The following PCDHA10 variants were observed in gnomAD, a reference collection of about 807,000 sequenced individuals.
PCDHA10 encodes the protein protocadherin alpha 10.
In PCDHA10, 45 loss-of-function variants were observed where a neutral mutation model predicts 61.2. The ratio of observed to expected loss-of-function variants is 0.74; its 90% confidence interval spans 0.58 to 0.94. PCDHA10 has a LOEUF of 0.94. PCDHA10 is among the 40% of genes least tolerant of loss of function. The pLI is 0.00. For synonymous variants in PCDHA10, 602 were observed against 548.8 expected, an observed-to-expected ratio of 1.10 and a Z score of -1.35; for missense variants, 1,278 against 1,236.2, an observed-to-expected ratio of 1.03 and a Z score of -0.51.
At chr5:140,929,362 G>A (rs781830495) in intron 1 of PCDHA10, 13 of 1,520,234 alleles carry the variant, frequency 8.6e-6, no homozygotes, top group Middle Eastern at 1.8e-4. Flanking sequence ...CCTTTGGCCC[G>A]GAGATGGCTG....
intron 1 of PCDHA10, chr5:140,884,070 C>T: frequency 1.2e-6 from 2 of 1,613,516 alleles, no homozygotes; most frequent in Non-Finnish European, 1.7e-6. Context: ...GACGCCGATT[C>T]GGGCTACAAT....
chr5:140,956,904 G>A lies in PCDHA10; in HGVS notation c.2389-22045G>A, dbSNP rs182022057. ...TATCAATGAATGAATATTCTTAAAT[G>A]TATAAACTTTAATCTTGCTGGATAT... On this transcript the variant is annotated intron_variant, in intron 1 of 3. Transcript: ENST00000307360. Among the ~76,000 whole-genome samples, 178 of 152,232 alleles carry A rather than the reference G, an allele frequency of 1.2e-3. 1 individual carries two copies. Among genetic ancestry groups the A allele is most frequent in the African/African-American group, 3.9e-3 (163 of 41,538 alleles).
At chr5:140,967,792 A>G (rs371669028) in intron 1 of PCDHA10, 4 of 1,614,212 alleles carry the variant, frequency 2.5e-6, no homozygotes, top group Non-Finnish European at 3.4e-6. Context: ...ACCGGGGTCC[A>G]GTGCCCATGG....
intron 1 of PCDHA10, among the ~76,000 whole-genome samples, chr5:140,950,049 CTATT>C (rs2094445672): frequency 1.3e-5 from 2 of 151,756 alleles, no homozygotes; most frequent in Non-Finnish European, 3.0e-5. Flanking sequence ...CCATATAAGA[CTATT>C]TAGCTCTTCC....
chr5:140,971,843 G>T (rs1250084892), intron 1 of PCDHA10, among the ~76,000 whole-genome samples: 2 of 151,906 alleles, frequency 1.3e-5, no homozygotes, highest in Non-Finnish European at 2.9e-5. Flanking sequence ...TGCAAGTCAT[G>T]CGTTAAATAT....
At chr5:140,989,839 AGT>A (rs1161936815) in intron 3 of PCDHA10, among the ~76,000 whole-genome samples, 2 of 152,166 alleles carry the variant, frequency 1.3e-5, no homozygotes, top group Non-Finnish European at 2.9e-5. Context: ...CCTGTCAATG[AGT>A]GTGTGGACTG....
chr5:140,907,114 G>A (rs1422379312), intron 1 of PCDHA10, among the ~76,000 whole-genome samples: 1 of 152,164 alleles, frequency 6.6e-6, no homozygotes, highest in Non-Finnish European at 1.5e-5. Context: ...TCCACCCCTT[G>A]ATTCCTGGAC....
intron 1 of PCDHA10, chr5:140,927,441 G>A: frequency 5.0e-6 from 8 of 1,614,130 alleles, no homozygotes; most frequent in Non-Finnish European, 4.2e-6. Context: ...GCGAATACCC[G>A]GAGTTGGTGT....
At position 140,928,325 on chromosome 5, in the gene PCDHA10, G is replaced by A. The variant is rs1432328240; in HGVS notation, c.2389-50624G>A. 3.1e-6 allele frequency: 5 copies of A among 1,614,020 alleles called. No homozygotes were observed. The African/African-American group carries it at 6.7e-5, about 22-fold the overall frequency. ...CAGGACCCCGACCTGGGGAAGAATGGCCTTGTCTCTTATGAGCTGTTGGAT... is the reference window on the plus strand; with the variant it reads ...CAGGACCCCGACCTGGGGAAGAATGACCTTGTCTCTTATGAGCTGTTGGAT... On this transcript the variant is annotated intron_variant, in intron 1 of 3. Transcript: ENST00000307360.
chr5:140,967,503 G>A (rs369053625), intron 1 of PCDHA10: 14 of 1,612,820 alleles, frequency 8.7e-6, no homozygotes, highest in African/African-American at 2.7e-5. Flanking sequence ...ATCTCTGTGC[G>A]TGTCCTGGAC....
At chr5:140,896,022 GC>G (rs2065315462) in intron 1 of PCDHA10, among the ~76,000 whole-genome samples, 3 of 152,138 alleles carry the variant, frequency 2.0e-5, no homozygotes, top group Admixed American at 1.3e-4. Context: ...TGTTGGCCAG[GC>G]TGGTCTCGAA....
intron 1 of PCDHA10, among the ~76,000 whole-genome samples, chr5:140,920,671 C>T (rs1218067284): frequency 2.0e-5 from 3 of 151,960 alleles, no homozygotes; most frequent in African/African-American, 7.3e-5. Flanking sequence ...TGGTGAAACC[C>T]CATCTCTACT....
At chr5:140,886,507 G>A (rs2061007189) in intron 1 of PCDHA10, among the ~76,000 whole-genome samples, 1 of 151,788 alleles carries the variant, frequency 6.6e-6, no homozygotes, top group South Asian at 2.1e-4. Context: ...TCCTTTTATG[G>A]ATTTTAAGGT....
chr5:140,880,417 G>A (rs1202890717), intron 1 of PCDHA10, among the ~76,000 whole-genome samples: 15 of 152,250 alleles, frequency 9.9e-5, no homozygotes, highest in South Asian at 2.1e-4. Context: ...CCTTAAAAGC[G>A]GGAACAGTTT....
intron 1 of PCDHA10, among the ~76,000 whole-genome samples, chr5:140,964,379 C>T (rs2095828218): frequency 6.6e-6 from 1 of 152,130 alleles, no homozygotes; most frequent in Non-Finnish European, 1.5e-5. Flanking sequence ...AAAGGAGAGT[C>T]CTGGTTTTTC....
intron 1 of PCDHA10, among the ~76,000 whole-genome samples, chr5:140,881,694 G>C (rs1375930995): frequency 6.6e-6 from 1 of 152,126 alleles, no homozygotes; most frequent in Non-Finnish European, 1.5e-5. Flanking sequence ...TCCTTTTGGA[G>C]TCAATGGCTG....
At chr5:140,882,174 C>A (rs868925922) in intron 1 of PCDHA10, 1 of 1,514,752 alleles carries the variant, frequency 6.6e-7, no homozygotes, top group Non-Finnish European at 8.8e-7. Flanking sequence ...CGAATCCTTC[C>A]GCACTAGGAA....
chr5:141,001,825 CAG>C (rs1244261427), intron 3 of PCDHA10, among the ~76,000 whole-genome samples: 1 of 151,674 alleles, frequency 6.6e-6, no homozygotes, highest in Non-Finnish European at 1.5e-5. Flanking sequence ...CAAATTCTGA[CAG>C]AGAGGGAGAC....
At position 140,982,388 on chromosome 5, in the gene PCDHA10, A is replaced by G. The variant is rs868944535; in HGVS notation, c.2448-87A>G. 32 of 1,592,320 alleles carry G rather than the reference A, an allele frequency of 2.0e-5. 1 individual carries two copies. The Middle Eastern group carries it at 4.6e-3, about 226-fold the overall frequency. Reference sequence around the variant, plus strand: ...ATGTGTTAGCTGCAGCCCTGGCTTCATAGTTGTAAGCAATTTCTGAGGGTG... The same window carrying G: ...ATGTGTTAGCTGCAGCCCTGGCTTCGTAGTTGTAAGCAATTTCTGAGGGTG... On this transcript the variant is annotated intron_variant, in intron 2 of 3. Coordinates refer to ENST00000307360, the MANE Select transcript of PCDHA10 (RefSeq NM_018901.4).
Sources: gnomAD v4.1 joint callset for allele counts (sites outside exome capture counted in the v4.1 genomes callset) on GRCh38, gnomAD v4.1.1 for gene constraint, MANE v1.5 for transcripts, NCBI Gene and HGNC (gene_info 2026-07-23, HGNC 2026-07-21) for gene names.